The following CYSLTR1 variants were observed in gnomAD, a reference collection of about 807,000 sequenced individuals.
CYSLTR1 encodes the protein cysteinyl leukotriene receptor 1.
In CYSLTR1, 1 loss-of-function variant was observed where a neutral mutation model predicts 2.1. The observed-to-expected ratio is 0.48, with a 90% CI of 0.17 to 2.28. The LOEUF is 2.28. Among genes scored for constraint, CYSLTR1 ranks in the 30% most tolerant of loss-of-function variants. The pLI is 0.26. For missense variants in CYSLTR1, 299 were observed against 250.1 expected (o/e 1.20, Z -1.32); for synonymous variants, 110 against 89.6 (o/e 1.23, Z -1.28).
chrX:78,324,412 G>A (rs765753841), intron 1 of CYSLTR1, among the ~76,000 whole-genome samples: 41 of 111,897 alleles, frequency 3.7e-4, no homozygotes, highest in African/African-American at 1.1e-3. Context: ...TTTGTCGCCC[G>A]GCTTGAGTGC....
At chrX:78,278,302 C>T (rs747712783) in intron 2 of CYSLTR1, among the ~76,000 whole-genome samples, 1 of 111,478 alleles carries the variant, frequency 9.0e-6, no homozygotes, top group Non-Finnish European at 1.9e-5. Context: ...GACTCATTGG[C>T]ATCCCAGAAA....
At chrX:78,296,410 A>T (rs1176020602) in intron 1 of CYSLTR1, among the ~76,000 whole-genome samples, 1 of 111,671 alleles carries the variant, frequency 9.0e-6, no homozygotes, top group Non-Finnish European at 1.9e-5. Flanking sequence ...AAATTTTAGC[A>T]TTGTTTTTTC....
At chrX:78,327,093 A>G (rs1923885546) in intron 1 of CYSLTR1, among the ~76,000 whole-genome samples, 1 of 111,602 alleles carries the variant, frequency 9.0e-6, no homozygotes, top group African/African-American at 3.3e-5. Flanking sequence ...GCCCTAGCAG[A>G]AGCACTGAGC....
chrX:78,320,773 C>G (rs1329362714), intron 1 of CYSLTR1: 2 of 111,250 alleles, frequency 1.8e-5, no homozygotes, highest in Non-Finnish European at 3.8e-5. Flanking sequence ...TGTTTGTATC[C>G]TCTTTTATTT....
chrX:78,276,164 G>A (rs1921580975), intron 2 of CYSLTR1, among the ~76,000 whole-genome samples: 1 of 111,639 alleles, frequency 9.0e-6, no homozygotes, highest in Non-Finnish European at 1.9e-5. Flanking sequence ...TTCTCTTATA[G>A]TTGATACTTA....
intron 2 of CYSLTR1, among the ~76,000 whole-genome samples, chrX:78,274,236 A>G (rs1921463040): frequency 9.0e-6 from 1 of 111,533 alleles, no homozygotes; most frequent in South Asian, 3.8e-4. Context: ...CTTGGCTCCC[A>G]AAAAGAGCCC....
At chrX:78,304,912 G>A (rs1310818391) in intron 1 of CYSLTR1, among the ~76,000 whole-genome samples, 1 of 111,874 alleles carries the variant, frequency 8.9e-6, no homozygotes, top group Non-Finnish European at 1.9e-5. Flanking sequence ...TTGGTCTGGT[G>A]ATAATTTCTA....
intron 1 of CYSLTR1, among the ~76,000 whole-genome samples, chrX:78,289,944 C>A (rs998874248): frequency 9.0e-6 from 1 of 111,680 alleles, no homozygotes; most frequent in Non-Finnish European, 1.9e-5. Context: ...GTTTCTTCTG[C>A]TGTGCAGAAG....
At chrX:78,324,624 C>T (rs955669446) in intron 1 of CYSLTR1, among the ~76,000 whole-genome samples, 1 of 111,858 alleles carries the variant, frequency 8.9e-6, no homozygotes, top group African/African-American at 3.3e-5. Flanking sequence ...CCTCGGCCTC[C>T]CAAAGTGCTG....
intron 1 of CYSLTR1, among the ~76,000 whole-genome samples, chrX:78,309,770 T>A (rs1285785232): frequency 9.0e-6 from 1 of 111,695 alleles, no homozygotes; most frequent in East Asian, 2.8e-4. Flanking sequence ...TTGGAGAACA[T>A]CTAATACACT....
chrX:78,287,163 A>T (rs1334953014), intron 1 of CYSLTR1, among the ~76,000 whole-genome samples: 1 of 111,865 alleles, frequency 8.9e-6, no homozygotes, highest in Non-Finnish European at 1.9e-5. Context: ...TTTCATTGTG[A>T]TAACATCCAA....
At chrX:78,277,572 G>A (rs1921647484) in intron 2 of CYSLTR1, among the ~76,000 whole-genome samples, 1 of 111,436 alleles carries the variant, frequency 9.0e-6, no homozygotes, top group Non-Finnish European at 1.9e-5. Context: ...CAGCACAGCA[G>A]GTCCTTAATC....
chrX:78,315,731 AG>A (rs755307909), intron 1 of CYSLTR1, among the ~76,000 whole-genome samples: 1 of 112,385 alleles, frequency 8.9e-6, no homozygotes, highest in Admixed American at 9.3e-5. Flanking sequence ...GTGCCAACTC[AG>A]GTGCAGTGCA....
intron 2 of CYSLTR1, among the ~76,000 whole-genome samples, chrX:78,275,795 T>C (rs960896791): frequency 9.0e-6 from 1 of 111,645 alleles, no homozygotes; most frequent in African/African-American, 3.3e-5. Flanking sequence ...TAATATCTGT[T>C]GAGTGCCACC....
intron 1 of CYSLTR1, among the ~76,000 whole-genome samples, chrX:78,307,811 G>A (rs1439613695): frequency 8.9e-6 from 1 of 111,759 alleles, no homozygotes; most frequent in Admixed American, 9.5e-5. Flanking sequence ...AAAAATGTTT[G>A]AGTGATTAGT....
chrX:78,284,164 A>T (rs971994621), intron 1 of CYSLTR1, among the ~76,000 whole-genome samples: 2 of 111,632 alleles, frequency 1.8e-5, no homozygotes, highest in Non-Finnish European at 3.8e-5. Context: ...TCTTCAATTA[A>T]ATTATGTTCA....
chrX:78,304,584 AC>A (rs1922954826), intron 1 of CYSLTR1, among the ~76,000 whole-genome samples: 1 of 110,603 alleles, frequency 9.0e-6, no homozygotes, highest in Admixed American at 9.6e-5. Context: ...TCTTAACAGG[AC>A]CCATTTAGGA....
At chrX:78,324,110 T>C (rs1407297675) in intron 1 of CYSLTR1, among the ~76,000 whole-genome samples, 1 of 111,829 alleles carries the variant, frequency 8.9e-6, no homozygotes, top group Non-Finnish European at 1.9e-5. Flanking sequence ...TGAGACAGAA[T>C]GAAGCAGCAG....
chrX:78,318,972 T>G (rs1923529445), intron 1 of CYSLTR1: 1 of 109,918 alleles, frequency 9.1e-6, no homozygotes, highest in African/African-American at 3.3e-5. Flanking sequence ...TCTTTCACAC[T>G]TAAATAATCA....
Sources: gnomAD v4.1 joint callset for allele counts (sites outside exome capture counted in the v4.1 genomes callset) on GRCh38, gnomAD v4.1.1 for gene constraint, MANE v1.5 for transcripts, NCBI Gene and HGNC (gene_info 2026-07-23, HGNC 2026-07-21) for gene names.